Variants in IGF1R observed in about 807,000 individuals in gnomAD.
IGF1R encodes insulin-like growth factor 1 receptor.
A neutral mutation model predicts 144.6 loss-of-function variants in IGF1R; 44 were observed. The ratio of observed to expected loss-of-function variants is 0.30; its 90% CI spans 0.24 to 0.39. The LOEUF (loss-of-function observed/expected upper bound fraction) is 0.39. Ranked by LOEUF, IGF1R falls within the 10% of genes least tolerant of loss-of-function variation. The pLI is 1.00. For missense variants in IGF1R, 1,355 were observed against 1,833.7 expected, an observed-to-expected ratio of 0.74 and a Z score of 4.77; for synonymous variants, 795 against 722.8, an observed-to-expected ratio of 1.10 and a Z score of -1.60.
chr15:98,657,896 G>T lies in IGF1R; in HGVS notation c.94+8221G>T, dbSNP rs1434387081. 2.6e-5 allele frequency among the ~76,000 whole-genome samples: 4 copies of T among 152,142 alleles called. No homozygotes were observed. In the East Asian group the frequency reaches 7.7e-4, roughly 29 times the overall value. ...TGAGTCACTTGAAATCGCTCAGATT[G>T]ACCCCTATTCCGGGATCCAGCCTGG... On this transcript the variant is annotated intron_variant, in intron 1 of 20. Transcript: ENST00000650285.
In IGF1R at chr15:98,773,188, G is replaced by T. The variant is rs140701181; in HGVS notation, c.640+65081G>T. Among the ~76,000 whole-genome samples, 548 of 152,210 alleles carry T rather than the reference G, an allele frequency of 3.6e-3. 5 individuals carry two copies. Among genetic ancestry groups the T allele is most frequent in the African/African-American group, 0.013 (521 of 41,526 alleles). The stretch of plus-strand genomic sequence containing the variant: ...TTGTTTCTATACAAGATGAGTAGCT[G>T]GTGGCTCAGATGACCCCCGTGCTGC... On this transcript the variant is annotated intron_variant, in intron 2 of 20. Coordinates refer to ENST00000650285, the MANE Select transcript of IGF1R (RefSeq NM_000875.5).
At position 98,958,846 on chromosome 15, in the gene IGF1R, C is replaced by A. The variant is rs1210174605; in HGVS notation, c.*1404C>A. On this transcript the variant is annotated 3_prime_UTR_variant, in exon 21 of 21. Coordinates refer to ENST00000650285, the MANE Select transcript of IGF1R (RefSeq NM_000875.5). ...AGTGCGTGACTTTCTTCCTCTTTTC[C>A]CGGTAATGGATACTTCTATCACATA... 1.7e-5 allele frequency: 4 copies of A among 233,390 alleles called. No homozygotes were observed. Among genetic ancestry groups the A allele is most frequent in the Non-Finnish European group, 8.5e-6 (1 of 117,960 alleles). 14.5% of individuals were successfully genotyped at this position (233,390 alleles called of 1,614,324 possible).
chr15:98,849,577 CA>C (rs1194995590), intron 2 of IGF1R, among the ~76,000 whole-genome samples: 4 of 152,008 alleles, frequency 2.6e-5, no homozygotes, highest in Non-Finnish European at 2.9e-5. Context: ...ATTTAAATTA[CA>C]AAAAAACTTT....
intron 2 of IGF1R, among the ~76,000 whole-genome samples, chr15:98,770,534 A>T (rs948872170): frequency 1.3e-5 from 2 of 152,250 alleles, no homozygotes; most frequent in Admixed American, 6.5e-5. Flanking sequence ...TGATCATTAT[A>T]CATTGCATAC....
At chr15:98,692,743 G>A (rs1373179780) in intron 1 of IGF1R, among the ~76,000 whole-genome samples, 1 of 152,148 alleles carries the variant, frequency 6.6e-6, no homozygotes, top group Non-Finnish European at 1.5e-5. Flanking sequence ...AATGTCCTTG[G>A]TCATATGCCC....
intron 1 of IGF1R, among the ~76,000 whole-genome samples, chr15:98,694,575 C>T (rs1350992560): frequency 6.6e-6 from 1 of 152,104 alleles, no homozygotes; most frequent in Non-Finnish European, 1.5e-5. Context: ...ACACTTGGCC[C>T]CTCACACTTC....
chr15:98,873,058 G>C (rs929654686), intron 2 of IGF1R, among the ~76,000 whole-genome samples: 1 of 152,098 alleles, frequency 6.6e-6, no homozygotes, highest in African/African-American at 2.4e-5. Context: ...CCTCCCTGAA[G>C]GCAAGCCAAG....
intron 2 of IGF1R, among the ~76,000 whole-genome samples, chr15:98,787,000 C>T (rs1317885783): frequency 1.2e-4 from 19 of 152,152 alleles, no homozygotes; most frequent in African/African-American, 4.1e-4. Flanking sequence ...TGGTTGGTGA[C>T]GACATTCTGT....
At position 98,815,720 on chromosome 15, in the gene IGF1R, G is replaced by A. The variant is rs551641557; in HGVS notation, c.641-75605G>A. ...TGACTCTGTGTGTTGGAGTGTTTTC[G>A]AAATGCAGAGAAATTCAGAGCTTCT... On this transcript the variant is annotated intron_variant, in intron 2 of 20. Coordinates refer to ENST00000650285, the MANE Select transcript of IGF1R (RefSeq NM_000875.5). 3.8e-4 allele frequency among the ~76,000 whole-genome samples: 58 copies of A among 152,234 alleles called. No homozygotes were observed. In the South Asian group the frequency reaches 0.012, roughly 30 times the overall value.
chr15:98,796,897 G>A (rs1331602476), intron 2 of IGF1R, among the ~76,000 whole-genome samples: 1 of 152,226 alleles, frequency 6.6e-6, no homozygotes, highest in African/African-American at 2.4e-5. Flanking sequence ...TGTGTTCGAA[G>A]GCTCTCACTC....
chr15:98,837,603 C>G lies in IGF1R; in HGVS notation c.641-53722C>G, dbSNP rs527786802. Among the ~76,000 whole-genome samples, 6 of 151,668 alleles carry G rather than the reference C, an allele frequency of 4.0e-5. No individual in the cohort carries two copies. The South Asian group carries it at 1.0e-3, about 26-fold the overall frequency. Reference sequence around the variant, plus strand: ...TGGTCTCGAACTCCTGGCCTCCCACCTCAGCCTCCCAACCACAACTGGCCA... The same window carrying G: ...TGGTCTCGAACTCCTGGCCTCCCACGTCAGCCTCCCAACCACAACTGGCCA... On this transcript the variant is annotated intron_variant, in intron 2 of 20. Coordinates refer to ENST00000650285, the MANE Select transcript of IGF1R (RefSeq NM_000875.5).
At chr15:98,746,040 G>A (rs576444850) in intron 2 of IGF1R, among the ~76,000 whole-genome samples, 3 of 152,328 alleles carry the variant, frequency 2.0e-5, no homozygotes, top group Non-Finnish European at 2.9e-5. Flanking sequence ...CTCTGCTGCT[G>A]AGAGAAACCA....
At chr15:98,929,413 AT>A (rs2015852875) in intron 13 of IGF1R, 144 bp from the exon 14 acceptor site, 1 of 718,628 alleles carries the variant, frequency 1.4e-6, no homozygotes, top group African/African-American at 1.7e-5. Context: ...TTCTGACACC[AT>A]TTACCTTCAG....
At chr15:98,745,176 CTG>C (rs2054834216) in intron 2 of IGF1R, among the ~76,000 whole-genome samples, 1 of 152,224 alleles carries the variant, frequency 6.6e-6, no homozygotes, top group African/African-American at 2.4e-5. Flanking sequence ...GCAACAGTAT[CTG>C]TGTATCCATT....
chr15:98,912,514 G>A (rs2015067412), intron 7 of IGF1R, among the ~76,000 whole-genome samples: 1 of 152,220 alleles, frequency 6.6e-6, no homozygotes, highest in Non-Finnish European at 1.5e-5. Context: ...CTTTGGCAAT[G>A]TCAGCTGGTA....
chr15:98,697,738 TC>T (rs2053627308), intron 1 of IGF1R, among the ~76,000 whole-genome samples: 1 of 62,234 alleles, frequency 1.6e-5, no homozygotes, highest in Non-Finnish European at 2.9e-5. Flanking sequence ...AAACTTACCA[TC>T]TTAACTTTTT....
rs1333133306 is a variant in IGF1R, at chr15:98,959,974, T to TGTGTGTGTATGTGTGGG, written c.*2540_*2541insATGTGTGGGGTGTGTGT. 2.8e-5 allele frequency: 6 copies of TGTGTGTGTATGTGTGGG among 215,468 alleles called. No homozygotes were observed. The highest frequency in any genetic ancestry group is 4.6e-5 in the Non-Finnish European group (5 of 107,610). The allele number at this position is 215,468 out of a possible 1,614,324, so 13.3% of individuals were successfully genotyped here. ...GAATTTAAATTTCAAGGAAAGGGTG[T>TGTGTGTGTATGTGTGGG]GTGTGTGTGTATGTGTGGGGTGTGT... On this transcript the variant is annotated 3_prime_UTR_variant, in exon 21 of 21. Coordinates refer to ENST00000650285, the MANE Select transcript of IGF1R (RefSeq NM_000875.5).
At chr15:98,902,600 G>A (rs933231920) in intron 5 of IGF1R, among the ~76,000 whole-genome samples, 2 of 149,790 alleles carry the variant, frequency 1.3e-5, no homozygotes, top group South Asian at 2.1e-4. Flanking sequence ...GCTTTTAGTA[G>A]AGACGGACTT....
At chr15:98,673,681 A>G (rs1447210257) in intron 1 of IGF1R, among the ~76,000 whole-genome samples, 1 of 152,154 alleles carries the variant, frequency 6.6e-6, no homozygotes, top group Non-Finnish European at 1.5e-5. Context: ...GTGGTGAAGG[A>G]ATGTTTCCAA....
Sources: gnomAD v4.1 joint callset for allele counts (sites outside exome capture counted in the v4.1 genomes callset) on GRCh38, gnomAD v4.1.1 for gene constraint, MANE v1.5 for transcripts, NCBI Gene and HGNC (gene_info 2026-07-23, HGNC 2026-07-21) for gene names.